PGCKA1: variants seen among roughly 807,000 people sequenced by gnomAD.
PGCKA1 encodes the protein PDCD10 and GCKIII kinases associated 1.
chr4:37,564,205 C>T, the PGCKA1 span, among the ~76,000 whole-genome samples: 23 of 144,162 alleles, frequency 1.6e-4, no homozygotes, highest in Admixed American at 1.3e-3. Context: ...ACCCGGGAGT[C>T]GGAGGTTGCA....
At chr4:37,590,849 C>T in the PGCKA1 span, 17 of 1,614,176 alleles carry the variant, frequency 1.1e-5, no homozygotes, top group Admixed American at 1.7e-5. Context: ...CATGCCATGC[C>T]TGTGGTTGAC....
At chr4:37,548,022 A>G in the PGCKA1 span, among the ~76,000 whole-genome samples, 21,627 of 144,818 alleles carry the variant, frequency 0.15, 1,994 homozygotes, top group East Asian at 0.41. Context: ...GGAAAAAAAA[A>G]GGGGGGGAGG....
At chr4:37,523,260 C>T in the PGCKA1 span, among the ~76,000 whole-genome samples, 1 of 152,128 alleles carries the variant, frequency 6.6e-6, no homozygotes, top group South Asian at 2.1e-4. Context: ...TCTGCCCTAA[C>T]AAAATGCACT....
the PGCKA1 span, among the ~76,000 whole-genome samples, chr4:37,565,769 G>C: frequency 6.6e-6 from 1 of 152,170 alleles, no homozygotes; most frequent in Non-Finnish European, 1.5e-5. Flanking sequence ...TGGGATTGAA[G>C]GATGCAAAGT....
At chr4:37,476,596 C>G in the PGCKA1 span, among the ~76,000 whole-genome samples, 58 of 152,182 alleles carry the variant, frequency 3.8e-4, no homozygotes, top group African/African-American at 1.1e-3. Flanking sequence ...AATCCCAGCC[C>G]TAGAACTTCT....
At chr4:37,509,438 A>G in the PGCKA1 span, among the ~76,000 whole-genome samples, 51,590 of 115,794 alleles carry the variant, frequency 0.45, 12,828 homozygotes, top group African/African-American at 0.54. Context: ...CATCTCAGAC[A>G]ATGGGCGGCT....
At chr4:37,492,903 T>C in the PGCKA1 span, among the ~76,000 whole-genome samples, 2 of 152,160 alleles carry the variant, frequency 1.3e-5, no homozygotes, top group Non-Finnish European at 2.9e-5. The surrounding 1 kb of genome is among the most constrained non-coding windows in gnomAD (Gnocchi z 4.7). Flanking sequence ...TGTAAATTGG[T>C]GCCACTGCCA....
At chr4:37,552,406 A>G in the PGCKA1 span, among the ~76,000 whole-genome samples, 4 of 152,170 alleles carry the variant, frequency 2.6e-5, no homozygotes, top group African/African-American at 9.7e-5. Context: ...CCAGCTGAAT[A>G]AAACCCTTCC....
At chr4:37,552,428 A>G in the PGCKA1 span, among the ~76,000 whole-genome samples, 1,252 of 152,286 alleles carry the variant, frequency 8.2e-3, 19 homozygotes, top group African/African-American at 0.029. Context: ...TCTACAACTC[A>G]GTGTCTGAGA....
the PGCKA1 span, among the ~76,000 whole-genome samples, chr4:37,492,571 A>T: frequency 6.6e-6 from 1 of 152,190 alleles, no homozygotes; most frequent in Non-Finnish European, 1.5e-5. The surrounding 1 kb of genome is among the most constrained non-coding windows in gnomAD (Gnocchi z 4.7). Context: ...TGAAGGTGAA[A>T]AGGAGACTTG....
At chr4:37,492,947 ACCACTCATCTGC>A in the PGCKA1 span, among the ~76,000 whole-genome samples, 1 of 152,126 alleles carries the variant, frequency 6.6e-6, no homozygotes, top group African/African-American at 2.4e-5. This position sits in a 1 kb window ranked among gnomAD's most constrained non-coding sequence, Gnocchi z 4.7. Flanking sequence ...CCACTGAGTG[ACCACTCATCTGC>A]CTACTTCCTA....
chr4:37,467,330 A>G, the PGCKA1 span, among the ~76,000 whole-genome samples: 1 of 152,358 alleles, frequency 6.6e-6, no homozygotes, highest in Admixed American at 6.5e-5. Flanking sequence ...AGTGAAGATT[A>G]TAGGGGCATT....
chr4:37,577,928 A>G, the PGCKA1 span, among the ~76,000 whole-genome samples: 1 of 152,226 alleles, frequency 6.6e-6, no homozygotes, highest in South Asian at 2.1e-4. Context: ...TATCATTTCA[A>G]TTTTTTTGAA....
the PGCKA1 span, among the ~76,000 whole-genome samples, chr4:37,563,540 C>T: frequency 2.6e-5 from 4 of 152,134 alleles, no homozygotes; most frequent in Non-Finnish European, 5.9e-5. Flanking sequence ...CCTTAATTAC[C>T]TCCAGAAAGC....
chr4:37,521,038 AT>A, the PGCKA1 span, among the ~76,000 whole-genome samples: 1 of 151,738 alleles, frequency 6.6e-6, no homozygotes, highest in African/African-American at 2.4e-5. Context: ...GATATTTTGT[AT>A]TTTTTTATTT....
chr4:37,489,703 G>A, the PGCKA1 span, among the ~76,000 whole-genome samples: 2 of 152,078 alleles, frequency 1.3e-5, no homozygotes, highest in East Asian at 3.9e-4. Flanking sequence ...CACCTTCTCT[G>A]TGTGCCAGTT....
the PGCKA1 span, among the ~76,000 whole-genome samples, chr4:37,578,257 G>A: frequency 1.9e-3 from 290 of 152,240 alleles, 2 homozygotes; most frequent in African/African-American, 6.7e-3. Flanking sequence ...ATTTACAATT[G>A]TTATATCCTC....
At chr4:37,548,021 A>AG in the PGCKA1 span, among the ~76,000 whole-genome samples, 21,504 of 141,194 alleles carry the variant, frequency 0.15, 1,946 homozygotes, top group East Asian at 0.4. Flanking sequence ...AGGAAAAAAA[A>AG]AGGGGGGGAG....
At chr4:37,573,521 C>A in the PGCKA1 span, among the ~76,000 whole-genome samples, 767 of 152,308 alleles carry the variant, frequency 5.0e-3, 8 homozygotes, top group African/African-American at 0.018. Context: ...TCTCTCAATT[C>A]TTTTCCAGGT....
Sources: gnomAD v4.1 joint callset for allele counts (sites outside exome capture counted in the v4.1 genomes callset) on GRCh38, gnomAD v4.1.1 for gene constraint, Gnocchi (gnomAD v3.1) non-coding constraint, MANE v1.5 for transcripts, NCBI Gene and HGNC (gene_info 2026-07-23, HGNC 2026-07-21) for gene names.